Variants in PIGQ observed in about 807,000 individuals in gnomAD.
PIGQ encodes phosphatidylinositol N-acetylglucosaminyltransferase subunit Q.
PIGQ carries 54 observed loss-of-function variants against 60.3 expected under a neutral mutation model. The ratio of observed to expected loss-of-function variants is 0.90; its 90% confidence interval spans 0.72 to 1.12. PIGQ has a LOEUF of 1.12. PIGQ is among the 50% of genes most tolerant of loss of function. The pLI is 0.00. For missense variants in PIGQ, 799 were observed against 793.5 expected (o/e 1.01, Z -0.08); for synonymous variants, 416 against 363.7 (o/e 1.14, Z -1.64).
At chr16:576,067 GCCT>G in intron 3 of PIGQ, 64 bp from the exon 4 acceptor site, 1 of 1,543,484 alleles carries the variant, frequency 6.5e-7, no homozygotes, top group Non-Finnish European at 8.7e-7. Context: ...GGCCAGGCAG[GCCT>G]CCTCCTGCGG....
Position 576,125 on chromosome 16 carries a change from CCCTT to C in PIGQ, c.822-6_822-3del. On this transcript the variant is annotated splice_region_variant and splice_polypyrimidine_tract_variant and intron_variant, in intron 3 of 10. Transcript: ENST00000321878. ...CCCTCATGCCGGCCGGGCCGGACCT[CCCTT>C]CCAGGAAGGCCAACACGGTGGCCTC... The C allele has an allele frequency of 6.5e-7, 1 of 1,547,522 alleles. No individual in the cohort carries two copies. The highest frequency in any genetic ancestry group is 8.7e-7 in the Non-Finnish European group (1 of 1,146,636).
Position 575,842 on chromosome 16 carries a change from GTTC to G in PIGQ, c.694_696del (p.Phe232del). The G allele has an allele frequency of 6.4e-7, 1 of 1,563,822 alleles. No individual in the cohort carries two copies. Among genetic ancestry groups the G allele is most frequent in the Non-Finnish European group, 8.7e-7 (1 of 1,153,686 alleles). ...ACTCCTCTCCACTCCCACGCAGAGT[GTTC>G]AAGCTCTGGCCCCTGTCCTTCCTCG... On this transcript the variant is annotated inframe_deletion, in exon 3 of 11. Transcript: ENST00000321878.
Position 575,883 on chromosome 16 carries a change from C to T in PIGQ, c.734C>T (p.Ser245Phe), listed in dbSNP as rs777701657. The T allele has an allele frequency of 3.2e-6, 5 of 1,574,290 alleles. No individual in the cohort carries two copies. The highest frequency in any genetic ancestry group is 3.5e-6 in the Non-Finnish European group (4 of 1,158,910). The change falls in exon 3 of 11, where the codon TCC becomes TTC. Residue 245 changes from serine to phenylalanine, a missense_variant. Transcript: ENST00000321878. ...WPLSFLGSKL[S>F]TCEQLRHRLE... Reference sequence around the variant, plus strand: ...CTGTCCTTCCTCGGGAGCAAACTCTCCACGTGCGAACAGCTCCGGCACCGG... The same window carrying T: ...CTGTCCTTCCTCGGGAGCAAACTCTTCACGTGCGAACAGCTCCGGCACCGG...
chr16:583,257 T>C lies in PIGQ; in HGVS notation c.*222T>C. On this transcript the variant is annotated 3_prime_UTR_variant, in exon 11 of 11. Coordinates refer to ENST00000321878, the MANE Select transcript of PIGQ (RefSeq NM_004204.5). The stretch of plus-strand genomic sequence containing the variant: ...GCTGGCCGCACTCCATCACTGGCAC[T>C]GCCTGCCTTGGGACCCGCTTCCCAC... The C allele has an allele frequency of 6.2e-7, 1 of 1,612,942 alleles. No homozygotes were observed. Among genetic ancestry groups the C allele is most frequent in the Non-Finnish European group, 8.5e-7 (1 of 1,179,948 alleles).
chr16:579,406 G>A (rs2035776690), intron 7 of PIGQ: 2 of 572,012 alleles, frequency 3.5e-6, no homozygotes, highest in East Asian at 3.0e-5. Flanking sequence ...ACACAGCCCC[G>A]AAGGTGGTGC....
At position 578,849 on chromosome 16, in the gene PIGQ, C is replaced by T; in HGVS notation, c.1134C>T (p.Cys378=). The change falls in exon 6 of 11, where the codon TGC becomes TGT. Residue 378 remains cysteine, a synonymous_variant. Transcript: ENST00000321878. ...HILWHVGLSA[C]LGLTVALSLL... is the part of the protein sequence containing the mutation. The stretch of plus-strand genomic sequence containing the variant: ...TTTGGCACGTGGGCCTCTCGGCCTG[C>T]CTGGGCCTGACGGTGGCCCTGTCCC... The T allele has an allele frequency of 2.5e-6, 4 of 1,613,802 alleles. No homozygotes were observed. Among genetic ancestry groups the T allele is most frequent in the Non-Finnish European group, 3.4e-6 (4 of 1,179,930 alleles).
At chr16:582,554 G>C (rs2035830616) in intron 10 of PIGQ, 5 of 569,198 alleles carry the variant, frequency 8.8e-6, no homozygotes, top group Non-Finnish European at 1.6e-5. Flanking sequence ...CCCTTGGCTG[G>C]CTGGGGCTGC....
chr16:582,230 CGCT>C lies in PIGQ; in HGVS notation c.1532-17_1532-15del, dbSNP rs773374719. The C allele has an allele frequency of 6.3e-7, 1 of 1,583,300 alleles. No homozygotes were observed. Among genetic ancestry groups the C allele is most frequent in the Non-Finnish European group, 8.6e-7 (1 of 1,159,528 alleles). On this transcript the variant is annotated splice_polypyrimidine_tract_variant and intron_variant, in intron 9 of 10. Transcript: ENST00000321878. ...AGCCCCCACGCGTCCCCTCGTCAGC[CGCT>C]TGCTATCCTTGCAGCTGGCGTGAAG... is the stretch of plus-strand genomic sequence containing the variant.
In PIGQ at chr16:574,526, A is replaced by C. The variant is rs1182475247; in HGVS notation, c.452A>C (p.Gln151Pro). 1.2e-6 allele frequency: 2 copies of C among 1,607,002 alleles called. No individual in the cohort carries two copies. Among genetic ancestry groups the C allele is most frequent in the Non-Finnish European group, 1.7e-6 (2 of 1,177,580 alleles). ...LHLPTVLPDR[Q>P]AGATTASTGG... ...CTGCCCACCGTCCTGCCCGACCGCC[A>C]GGCTGGAGCCACCACTGCCAGCACG... The change falls in exon 2 of 11, where the codon CAG (glutamine) becomes CCG (proline). Residue 151 changes from glutamine to proline, a missense_variant. Gln to Pro is a moderately conservative substitution (Grantham distance 76, BLOSUM62 -1). Coordinates refer to ENST00000321878, the MANE Select transcript of PIGQ (RefSeq NM_004204.5).
At chr16:570,520 C>A (rs1417093758) in intron 1 of PIGQ, 1 of 152,260 alleles carries the variant, frequency 6.6e-6, no homozygotes, top group African/African-American at 2.4e-5. Flanking sequence ...GGCTGGAGTG[C>A]AATGGCGCGA....
chr16:580,266 G>T lies in PIGQ; in HGVS notation c.1416+3G>T, dbSNP rs763735684. 2 of 1,603,498 alleles carry T rather than the reference G, an allele frequency of 1.2e-6. No individual in the cohort carries two copies. The highest frequency in any genetic ancestry group is 1.7e-6 in the Non-Finnish European group (2 of 1,172,478). ...TGTACTACCTGGTGTTCACCCTGGT[G>T]AGCTGAGCACCCACAGGCTGGGCCT... On this transcript the variant is annotated splice_donor_region_variant and intron_variant, in intron 8 of 10. Transcript: ENST00000321878.
chr16:581,213 AGACCTGAGGCCAC>A lies in PIGQ; in HGVS notation c.1531+242_1531+254del. ...CTGCCGCGCAGGTTCAGAACCCTGG[AGACCTGAGGCCAC>A]AGGCCTTTGTTCTTCTGCCTTGGGA... is the stretch of plus-strand genomic sequence containing the variant. On this transcript the variant is annotated intron_variant, in intron 9 of 10. Coordinates refer to ENST00000321878, the MANE Select transcript of PIGQ (RefSeq NM_004204.5). The A allele has an allele frequency of 1.2e-5, 17 of 1,429,262 alleles. No individual in the cohort carries two copies. In the South Asian group the frequency reaches 2.3e-4, roughly 20 times the overall value. 88.5% of individuals were successfully genotyped at this position (1,429,262 alleles called of 1,614,324 possible).
intron 8 of PIGQ, 49 bp downstream of exon 8, chr16:580,312 C>T: frequency 7.1e-7 from 1 of 1,412,012 alleles, no homozygotes; most frequent in Non-Finnish European, 9.9e-7. Context: ...CTCTGTGTGG[C>T]TTCTGCCAGC....
At chr16:577,682 G>C (rs897058209) in intron 4 of PIGQ, among the ~76,000 whole-genome samples, 2 of 152,222 alleles carry the variant, frequency 1.3e-5, no homozygotes, top group African/African-American at 4.8e-5. Flanking sequence ...GGCAAGTGGG[G>C]GCCAAGGTGT....
chr16:573,445 C>T (rs766517802), intron 1 of PIGQ, among the ~76,000 whole-genome samples: 7 of 152,136 alleles, frequency 4.6e-5, no homozygotes, highest in Non-Finnish European at 7.4e-5. Flanking sequence ...CCCTGAGCAA[C>T]GAGGCAGGTC....
Position 578,399 on chromosome 16 carries a change from G to C in PIGQ, c.963G>C (p.Gln321His), listed in dbSNP as rs2151047030. The C allele has an allele frequency of 6.2e-7, 1 of 1,611,614 alleles. No individual in the cohort carries two copies. Among genetic ancestry groups the C allele is most frequent in the South Asian group, 1.1e-5 (1 of 91,064 alleles). ...PVADHVAEEL[Q>H]HLLQWLMGAP... ...TGCAGCACGTGGCCGAGGAGCTCCAGCATCTGCTGCAGTGGCTGATGGGTG... is the reference window on the plus strand; with the variant it reads ...TGCAGCACGTGGCCGAGGAGCTCCACCATCTGCTGCAGTGGCTGATGGGTG... The change falls in exon 5 of 11, where the codon CAG becomes CAC. Residue 321 changes from glutamine to histidine, a missense_variant. By Grantham distance (24) the Gln-to-His change is conservative. Transcript: ENST00000321878.
chr16:581,437 C>G, intron 9 of PIGQ: 1 of 898,554 alleles, frequency 1.1e-6, no homozygotes, highest in Non-Finnish European at 1.4e-6. Context: ...TTGCCGGACA[C>G]CTGGCTTCTT....
At position 579,138 on chromosome 16, in the gene PIGQ, T is replaced by C. The variant is rs1341612358; in HGVS notation, c.1293T>C (p.Val431=). ...WRLFRGKKWN[V]LRQRVDSCSY... ...TGTTCCGGGGGAAGAAGTGGAACGT[T>C]CTGCGCCAGCGCGTGGACTCCTGTT... Residue 431 remains valine, a synonymous_variant, in exon 7 of 11, where the codon GTT becomes GTC. Transcript: ENST00000321878. The C allele has an allele frequency of 6.2e-7, 1 of 1,612,880 alleles. No individual in the cohort carries two copies. The highest frequency in any genetic ancestry group is 1.7e-5 in the Admixed American group (1 of 60,000).
rs955749044 is a variant in PIGQ, at chr16:583,968, G to A, written c.*933G>A. ...TTCAGGAGGGGAGCCTGCAGGTGCC[G>A]GCTGGTGAGGGGATGACGCGCTGTG... On this transcript the variant is annotated 3_prime_UTR_variant, in exon 11 of 11. Coordinates refer to ENST00000321878, the MANE Select transcript of PIGQ (RefSeq NM_004204.5). The A allele has an allele frequency of 2.4e-5, 10 of 411,900 alleles. No homozygotes were observed. Among genetic ancestry groups the A allele is most frequent in the South Asian group, 4.2e-5 (2 of 47,860 alleles). The allele number at this position is 411,900 out of a possible 1,614,324, so 25.5% of individuals were successfully genotyped here.
Sources: gnomAD v4.1 joint callset for allele counts (sites outside exome capture counted in the v4.1 genomes callset) on GRCh38, gnomAD v4.1.1 for gene constraint, MANE v1.5 for transcripts, NCBI Gene and HGNC (gene_info 2026-07-23, HGNC 2026-07-21) for gene names.